C10orf90: variants seen among roughly 807,000 people sequenced by gnomAD.
The protein encoded by C10orf90 is chromosome 10 open reading frame 90.
Under a neutral mutation model 62.5 loss-of-function variants are expected in C10orf90, and 56 were observed. The observed-to-expected ratio is 0.90, with a 90% CI of 0.72 to 1.12. The LOEUF (loss-of-function observed/expected upper bound fraction) is 1.12. Among genes scored for constraint, C10orf90 ranks in the 50% most tolerant of loss-of-function variants. The pLI is 0.00. For missense variants in C10orf90, 970 were observed against 880.4 expected, an observed-to-expected ratio of 1.10 and a Z score of -1.29; for synonymous variants, 386 against 340.4, an observed-to-expected ratio of 1.13 and a Z score of -1.47.
intron 3 of C10orf90, among the ~76,000 whole-genome samples, chr10:126,512,967 T>TA (rs1032485040): frequency 6.6e-6 from 1 of 152,132 alleles, no homozygotes; most frequent in Non-Finnish European, 1.5e-5. Flanking sequence ...GCGTTTTGGG[T>TA]AAAAAAATAT....
chr10:126,521,722 A>C (rs958143661), intron 2 of C10orf90, among the ~76,000 whole-genome samples: 2 of 152,242 alleles, frequency 1.3e-5, no homozygotes, highest in African/African-American at 2.4e-5. Flanking sequence ...ATTTTTTTAC[A>C]AATGGTTTAT....
At chr10:126,536,772 G>A (rs983692808) in intron 2 of C10orf90, among the ~76,000 whole-genome samples, 1 of 152,178 alleles carries the variant, frequency 6.6e-6, no homozygotes, top group African/African-American at 2.4e-5. Flanking sequence ...AGGCAGCCCT[G>A]AAAATCTCCC....
rs535589265 is a variant in C10orf90, at chr10:126,628,189, T to C, written c.313+18376A>G. ...GTGTTCTGTGGCTCAGTTTTCTTATTGGACAAATGAGACAAGGCAGCCTCT... is the reference window on the plus strand; with the variant it reads ...GTGTTCTGTGGCTCAGTTTTCTTATCGGACAAATGAGACAAGGCAGCCTCT... On this transcript the variant is annotated intron_variant, in intron 2 of 9. Coordinates refer to ENST00000488181, the MANE Select transcript of C10orf90 (RefSeq NM_001350921.2). Among the ~76,000 whole-genome samples, 8 of 152,330 alleles carry C rather than the reference T, an allele frequency of 5.3e-5. No homozygotes were observed. In the South Asian group the frequency reaches 1.7e-3, roughly 32 times the overall value.
chr10:126,477,977 T>C (rs933631237), intron 4 of C10orf90, among the ~76,000 whole-genome samples: 8 of 152,182 alleles, frequency 5.3e-5, no homozygotes, highest in Admixed American at 5.2e-4. Context: ...CTCACGCCCC[T>C]GGCAGAGTCC....
At position 126,461,421 on chromosome 10, in the gene C10orf90, C is replaced by T; in HGVS notation, c.1990G>A (p.Ala664Thr). The change falls in exon 6 of 10, where the codon GCA becomes ACA. Residue 664 changes from alanine (A) to threonine (T), a missense_variant. Coordinates refer to ENST00000488181, the MANE Select transcript of C10orf90 (RefSeq NM_001350921.2). Reference sequence around the variant, plus strand: ...CTTACTTGCAAGGTCAAAGATCTTGCAGGCGTTTGCTGAGACTCAGAACAG... The same window carrying T: ...CTTACTTGCAAGGTCAAAGATCTTGTAGGCGTTTGCTGAGACTCAGAACAG... Reference protein sequence around the residue: ...EDCSESQQTPARSLTLQEALE... With the variant: ...EDCSESQQTPTRSLTLQEALE... 6.2e-7 allele frequency: 1 copy of T among 1,614,066 alleles called. No individual in the cohort carries two copies. Among genetic ancestry groups the T allele is most frequent in the Non-Finnish European group, 8.5e-7 (1 of 1,179,968 alleles).
At chr10:126,525,126 G>T (rs1176941189) in intron 2 of C10orf90, among the ~76,000 whole-genome samples, 1 of 152,168 alleles carries the variant, frequency 6.6e-6, no homozygotes, top group Non-Finnish European at 1.5e-5. Context: ...AGACCCGTTA[G>T]TCAGGCAACT....
chr10:126,602,497 A>G (rs1213331048), intron 2 of C10orf90, among the ~76,000 whole-genome samples: 2 of 152,174 alleles, frequency 1.3e-5, no homozygotes, highest in Admixed American at 6.5e-5. Context: ...TCCACTGTGG[A>G]ACTCCTGACC....
At position 126,425,068 on chromosome 10, in the gene C10orf90, C is replaced by T. The variant is rs1052603174; in HGVS notation, c.*796G>A. 1.3e-5 allele frequency: 2 copies of T among 152,122 alleles called. No individual in the cohort carries two copies. Among genetic ancestry groups the T allele is most frequent in the African/African-American group, 4.8e-5 (2 of 41,408 alleles). The allele number at this position is 152,122 out of a possible 1,614,324, so 9.4% of individuals were successfully genotyped here. Reference sequence around the variant, plus strand: ...ACTAGCTTGTTCTTAGCTTCCCAAACAGACATATTTATAAATAATGTGTAT... The same window carrying T: ...ACTAGCTTGTTCTTAGCTTCCCAAATAGACATATTTATAAATAATGTGTAT... On this transcript the variant is annotated 3_prime_UTR_variant, in exon 10 of 10. Transcript: ENST00000488181.
chr10:126,580,424 GGC>G (rs2134014889), intron 2 of C10orf90, among the ~76,000 whole-genome samples: 1 of 152,298 alleles, frequency 6.6e-6, no homozygotes, highest in African/African-American at 2.4e-5. Context: ...GGGAGCCCGA[GGC>G]AGGTGGATCA....
intron 7 of C10orf90, among the ~76,000 whole-genome samples, chr10:126,450,062 A>C (rs192572843): frequency 2.0e-3 from 311 of 152,272 alleles, no homozygotes; most frequent in African/African-American, 7.3e-3. Flanking sequence ...GAAATCAAGA[A>C]AACAATCCCA....
At chr10:126,435,657 T>A (rs1004080483) in intron 7 of C10orf90, among the ~76,000 whole-genome samples, 5 of 152,146 alleles carry the variant, frequency 3.3e-5, no homozygotes, top group African/African-American at 1.2e-4. Context: ...GACCTCCAAG[T>A]CAACCATATC....
chr10:126,668,843 A>C (rs2033027430), intron 1 of C10orf90, among the ~76,000 whole-genome samples: 1 of 152,150 alleles, frequency 6.6e-6, no homozygotes, highest in East Asian at 1.9e-4. Context: ...TGTAGCTGTG[A>C]CTGTCATATA....
chr10:126,633,675 T>C (rs948225901), intron 2 of C10orf90, among the ~76,000 whole-genome samples: 1 of 152,242 alleles, frequency 6.6e-6, no homozygotes, highest in African/African-American at 2.4e-5. Context: ...TCTCAGGTCA[T>C]CCAACAGGTT....
chr10:126,577,416 A>C (rs575417984), intron 2 of C10orf90, among the ~76,000 whole-genome samples: 33 of 152,196 alleles, frequency 2.2e-4, no homozygotes, highest in Non-Finnish European at 4.6e-4. Flanking sequence ...AAAACAAAAA[A>C]AAAATCTTAT....
intron 2 of C10orf90, among the ~76,000 whole-genome samples, chr10:126,532,561 G>T (rs1216036137): frequency 6.6e-6 from 1 of 151,916 alleles, no homozygotes. Context: ...CACATGGCCG[G>T]GCGCGGTGGC....
At chr10:126,628,112 G>A (rs1378022450) in intron 2 of C10orf90, among the ~76,000 whole-genome samples, 4 of 152,274 alleles carry the variant, frequency 2.6e-5, no homozygotes, top group South Asian at 2.1e-4. Flanking sequence ...AAACACCTTC[G>A]CCTGGCAGGG....
At chr10:126,590,630 T>C (rs1404184144) in intron 2 of C10orf90, among the ~76,000 whole-genome samples, 1 of 152,048 alleles carries the variant, frequency 6.6e-6, no homozygotes, top group East Asian at 1.9e-4. Context: ...AGAAACTCTT[T>C]GAAACTAATG....
At chr10:126,643,216 C>A (rs1222451973) in intron 2 of C10orf90, among the ~76,000 whole-genome samples, 8 of 152,184 alleles carry the variant, frequency 5.3e-5, no homozygotes, top group Non-Finnish European at 1.2e-4. Context: ...GAAAAGCTTT[C>A]TAAAAATCCC....
intron 2 of C10orf90, among the ~76,000 whole-genome samples, 170 bp from the exon 3 acceptor site, chr10:126,514,109 C>T (rs1384683613): frequency 6.6e-6 from 1 of 152,172 alleles, no homozygotes; most frequent in Non-Finnish European, 1.5e-5. Flanking sequence ...TTATTTCATG[C>T]CCTCCATTTA....
Sources: allele counts gnomAD v4.1 joint callset (sites outside exome capture counted in the v4.1 genomes callset), GRCh38; gene constraint gnomAD v4.1.1; transcripts MANE v1.5; gene names NCBI Gene and HGNC (gene_info 2026-07-23, HGNC 2026-07-21).